Variants in IPO11 observed in about 807,000 individuals in gnomAD.
IPO11 encodes the protein importin-11.
IPO11 carries 66 observed loss-of-function variants against 143.2 expected under a neutral mutation model. The observed-to-expected ratio is 0.46, with a 90% CI of 0.38 to 0.57. The LOEUF is 0.57. IPO11 is among the 20% of genes least tolerant of loss of function. The pLI is 0.00. For synonymous variants in IPO11, 385 were observed against 377.8 expected (o/e 1.02, Z -0.22); for missense variants, 1,026 against 1,141.0 (o/e 0.90, Z 1.45).
Position 62,525,547 on chromosome 5 carries a change from C to T in IPO11, c.1897-595C>T, listed in dbSNP as rs114646138. ...TCTAAGCAGGCACCACCATGCTTGG[C>T]TAACTTTTAAATGTTTTTCAAGAAC... is the stretch of plus-strand genomic sequence containing the variant. On this transcript the variant is annotated intron_variant, in intron 20 of 29. Transcript: ENST00000325324. 5.0e-3 allele frequency among the ~76,000 whole-genome samples: 764 copies of T among 152,232 alleles called. 6 individuals carry two copies. The highest frequency in any genetic ancestry group is 0.017 in the African/African-American group (720 of 41,534).
chr5:62,462,928 G>C (rs529433028), intron 5 of IPO11, among the ~76,000 whole-genome samples: 1 of 151,430 alleles, frequency 6.6e-6, no homozygotes, highest in South Asian at 2.1e-4. Flanking sequence ...GTAGTGGGGG[G>C]TATTGAGAAT....
rs574094961 is a variant in IPO11 at position 62,539,230 on chromosome 5, TA to T, written c.2250+1942del. Among the ~76,000 whole-genome samples, 6 of 152,272 alleles carry T rather than the reference TA, an allele frequency of 3.9e-5. No individual in the cohort carries two copies. In the South Asian group the frequency reaches 1.0e-3, roughly 26 times the overall value. On this transcript the variant is annotated intron_variant, in intron 24 of 29. Coordinates refer to ENST00000325324, the MANE Select transcript of IPO11 (RefSeq NM_016338.5). ...AGGGCCTTGCTCTTTCTGAAGGGTC[TA>T]GGGGGAGAATCTGTTCCAAGCCTTT... is the stretch of plus-strand genomic sequence containing the variant.
rs1580259073 is a variant in IPO11, at chr5:62,506,304, A to G, written c.1729A>G (p.Lys577Glu). The G allele has an allele frequency of 6.2e-7, 1 of 1,612,106 alleles. No homozygotes were observed. Among genetic ancestry groups the G allele is most frequent in the South Asian group, 1.1e-5 (1 of 90,924 alleles). Residue 577 changes from lysine to glutamate, a missense_variant, in exon 19 of 30, where the codon AAG (lysine) becomes GAG (glutamate). Coordinates refer to ENST00000325324, the MANE Select transcript of IPO11 (RefSeq NM_016338.5). ...LLQQVTECDT[K>E]MHVLHVLSCV... ...GCAGCAAGTTACAGAATGTGACACA[A>G]AGATGCATGTTTTGCATGTCCTTTC...
intron 27 of IPO11, among the ~76,000 whole-genome samples, chr5:62,565,748 A>C (rs1743914049): frequency 6.6e-6 from 1 of 151,774 alleles, no homozygotes; most frequent in Non-Finnish European, 1.5e-5. Context: ...TGCATTAGCT[A>C]TTTGTCCTAA....
intron 12 of IPO11, 78 bp downstream of exon 12, chr5:62,485,540 T>C: frequency 8.7e-7 from 1 of 1,151,492 alleles, no homozygotes; most frequent in South Asian, 1.3e-5. Flanking sequence ...TGACACTCTA[T>C]TAAAGATTCC....
intron 24 of IPO11, among the ~76,000 whole-genome samples, chr5:62,544,397 T>TCAA (rs1743078390): frequency 6.6e-6 from 1 of 151,548 alleles, no homozygotes; most frequent in Admixed American, 6.6e-5. Context: ...TTGACAAAAT[T>TCAA]CAGCCCTTCA....
At chr5:62,483,950 T>C in intron 10 of IPO11, 60 bp from the exon 11 acceptor site, 2 of 1,374,078 alleles carry the variant, frequency 1.5e-6, no homozygotes, top group Non-Finnish European at 2.0e-6. Flanking sequence ...TTAAGTTACA[T>C]AATCCAATGT....
chr5:62,499,374 C>T (rs980507379), intron 16 of IPO11, among the ~76,000 whole-genome samples: 1 of 152,152 alleles, frequency 6.6e-6, no homozygotes, highest in Admixed American at 6.5e-5. Flanking sequence ...CTCTATAGGG[C>T]GCTTAACTTG....
intron 9 of IPO11, among the ~76,000 whole-genome samples, chr5:62,477,322 C>G (rs994251116): frequency 1.3e-5 from 2 of 152,112 alleles, no homozygotes; most frequent in African/African-American, 4.8e-5. Flanking sequence ...GGACTGCTTG[C>G]ACTAAAATAG....
chr5:62,503,574 G>T (rs1437868456), intron 16 of IPO11, among the ~76,000 whole-genome samples: 1 of 151,956 alleles, frequency 6.6e-6, no homozygotes, highest in Non-Finnish European at 1.5e-5. Context: ...AGTTTTTGAT[G>T]CAGTACCTGA....
At chr5:62,602,230 G>A (rs537546950) in intron 29 of IPO11, among the ~76,000 whole-genome samples, 58 of 151,996 alleles carry the variant, frequency 3.8e-4, no homozygotes, top group Non-Finnish European at 4.7e-4. Context: ...TTGCTGATCT[G>A]CATCACAGGC....
rs7724534 is a variant in IPO11 at position 62,435,136 on chromosome 5, G to A, written c.-6-2138G>A. Among the ~76,000 whole-genome samples, 505 of 95,710 alleles carry A rather than the reference G, an allele frequency of 5.3e-3. 18 individuals carry two copies. The highest frequency in any genetic ancestry group is 0.011 in the East Asian group (38 of 3,454). The allele number at this position is 95,710 out of a possible 152,430, so 62.8% of individuals were successfully genotyped here. On this transcript the variant is annotated intron_variant, in intron 1 of 29. Coordinates refer to ENST00000325324, the MANE Select transcript of IPO11 (RefSeq NM_016338.5). The stretch of plus-strand genomic sequence containing the variant: ...TATATATGTATATATGTATATATAT[G>A]TATATATGTATATATGTATATATAT...
At chr5:62,424,226 G>A (rs1217237911) in intron 1 of IPO11, among the ~76,000 whole-genome samples, 1 of 151,556 alleles carries the variant, frequency 6.6e-6, no homozygotes, top group Non-Finnish European at 1.5e-5. Context: ...TGCAAGCTCC[G>A]CCTCCCGGGT....
intron 2 of IPO11, among the ~76,000 whole-genome samples, chr5:62,442,054 C>T (rs1466414636): frequency 1.3e-5 from 2 of 151,818 alleles, no homozygotes; most frequent in Non-Finnish European, 2.9e-5. Context: ...CCATGTTGGC[C>T]AGGATAGTCT....
At chr5:62,580,688 T>G in intron 27 of IPO11, 1 of 1,551,484 alleles carries the variant, frequency 6.4e-7, no homozygotes, top group Non-Finnish European at 8.7e-7. Flanking sequence ...GCTTGGGCTG[T>G]TGTAAAATCT....
intron 27 of IPO11, among the ~76,000 whole-genome samples, chr5:62,577,350 A>C (rs1034552460): frequency 3.9e-5 from 6 of 152,188 alleles, no homozygotes; most frequent in African/African-American, 1.2e-4. Context: ...CATCCTAATA[A>C]GTGTTCTTTA....
intron 16 of IPO11, among the ~76,000 whole-genome samples, chr5:62,502,600 C>G (rs1741384243): frequency 6.6e-6 from 1 of 152,146 alleles, no homozygotes; most frequent in Non-Finnish European, 1.5e-5. Flanking sequence ...ACCTTTTTCT[C>G]TGCACATACT....
At chr5:62,575,644 T>C (rs1744289842) in intron 27 of IPO11, among the ~76,000 whole-genome samples, 1 of 152,182 alleles carries the variant, frequency 6.6e-6, no homozygotes, top group Non-Finnish European at 1.5e-5. Context: ...TAGATTTATG[T>C]ATGCATCTCT....
rs115482080 is a variant in IPO11 at position 62,594,604 on chromosome 5, T to A, written c.2678+2932T>A. Among the ~76,000 whole-genome samples the A allele has an allele frequency of 3.6e-3, 543 of 152,340 alleles. 4 individuals are homozygous for A. Among genetic ancestry groups the A allele is most frequent in the African/African-American group, 0.013 (530 of 41,578 alleles). ...TCTCATGCAGAAACAGGCTCGCTGA[T>A]ACACCCAGAGTAATGTTTAACCAGA... On this transcript the variant is annotated intron_variant, in intron 28 of 29. Coordinates refer to ENST00000325324, the MANE Select transcript of IPO11 (RefSeq NM_016338.5).
Sources: gnomAD v4.1 joint callset for allele counts (sites outside exome capture counted in the v4.1 genomes callset) on GRCh38, gnomAD v4.1.1 for gene constraint, MANE v1.5 for transcripts, NCBI Gene and HGNC (gene_info 2026-07-23, HGNC 2026-07-21) for gene names.